The following MYO7B variants were observed in gnomAD, a reference collection of about 807,000 sequenced individuals.
The protein encoded by MYO7B is myosin VIIB, also known as unconventional myosin-VIIb.
MYO7B carries 212 observed loss-of-function variants against 259.7 expected under a neutral mutation model. That is an observed-to-expected ratio of 0.82 (90% CI 0.73 to 0.91). The LOEUF (loss-of-function observed/expected upper bound fraction) is 0.91, where lower values mean the gene tolerates loss of function less well. Among genes scored for constraint, MYO7B ranks in the 40% least tolerant of loss-of-function variants. MYO7B has a pLI of 0.00. For missense variants in MYO7B, 2,732 were observed against 2,813.5 expected (o/e 0.97, Z 0.66); for synonymous variants, 1,197 against 1,166.4 (o/e 1.03, Z -0.54).
Position 127,636,097 on chromosome 2 carries a change from C to T in MYO7B, c.6007-111C>T. 2 of 1,079,492 alleles carry T rather than the reference C, an allele frequency of 1.9e-6. No homozygotes were observed. Among genetic ancestry groups the T allele is most frequent in the South Asian group, 1.5e-5 (1 of 67,224 alleles). 66.9% of individuals were successfully genotyped at this position (1,079,492 alleles called of 1,614,324 possible). A position where few individuals can be genotyped will look rare whatever the true frequency, so the allele number is the denominator to read the frequency against. On this transcript the variant is annotated intron_variant, in intron 44 of 47. Coordinates refer to ENST00000409816, the MANE Select transcript of MYO7B (RefSeq NM_001393586.1). This position sits in a 1 kb window ranked among gnomAD's most constrained non-coding sequence, Gnocchi z 4.5. ...ACCGAGACTGTCCCATGCTGCATTC[C>T]TCCCCTCCCCTCCCCACCGTACTAG...
chr2:127,537,151 C>G (rs1234880481), intron 1 of MYO7B, among the ~76,000 whole-genome samples: 2 of 152,174 alleles, frequency 1.3e-5, no homozygotes, highest in Non-Finnish European at 2.9e-5. Flanking sequence ...GCTTTATAGA[C>G]AGAATGGGGC....
intron 24 of MYO7B, among the ~76,000 whole-genome samples, chr2:127,610,614 C>T (rs192551847): frequency 3.5e-4 from 53 of 152,352 alleles, no homozygotes; most frequent in Middle Eastern, 6.8e-3. Context: ...CATTTCCATG[C>T]TGTAATGTTA....
In MYO7B at chr2:127,565,265, C is replaced by T. The variant is rs770074752; in HGVS notation, c.165C>T (p.Val55=). The change falls in exon 4 of 48, where the codon GTC becomes GTT. Residue 55 remains valine (V), a synonymous_variant. Transcript: ENST00000409816. The stretch of plus-strand genomic sequence containing the variant: ...GGATCCGAGCAGAGGACTTTGGTGT[C>T]CTCAGTCCCATGCACCCCAACTCAG... ...EHWIRAEDFG[V]LSPMHPNSVQ... is the part of the protein sequence containing the mutation. The T allele has an allele frequency of 1.2e-6, 2 of 1,613,958 alleles. No homozygotes were observed. Among genetic ancestry groups the T allele is most frequent in the East Asian group, 2.2e-5 (1 of 44,866 alleles).
rs1681157174 is a variant in MYO7B at position 127,626,905 on chromosome 2, C to A, written c.4216-70C>A. 61 of 1,377,476 alleles carry A rather than the reference C, an allele frequency of 4.4e-5. No homozygotes were observed. In the South Asian group the frequency reaches 7.8e-4, roughly 18 times the overall value. 85.3% of individuals were successfully genotyped at this position (1,377,476 alleles called of 1,614,324 possible). On this transcript the variant is annotated intron_variant, in intron 31 of 47. Transcript: ENST00000409816. ...CAGAAGGATCCATCAACTCTTTTACCCTGAGCACTAGGTGAGGGATTCACT... is the reference window on the plus strand; with the variant it reads ...CAGAAGGATCCATCAACTCTTTTACACTGAGCACTAGGTGAGGGATTCACT...
At chr2:127,605,986 A>C in intron 20 of MYO7B, 58 bp downstream of exon 20, 1 of 1,413,318 alleles carries the variant, frequency 7.1e-7, no homozygotes, top group Admixed American at 1.8e-5. Context: ...TGTCCAGTAA[A>C]AGACAGATTT....
chr2:127,593,695 T>G, intron 18 of MYO7B, 51 bp downstream of exon 18: 1 of 1,527,364 alleles, frequency 6.5e-7, no homozygotes, highest in Non-Finnish European at 9.1e-7. Context: ...GCATGTGGGC[T>G]TGTCAGCTCT....
In MYO7B at chr2:127,580,765, G is replaced by A; in HGVS notation, c.1023G>A (p.Leu341=). 1.2e-6 allele frequency: 2 copies of A among 1,613,446 alleles called. No individual in the cohort carries two copies. Among genetic ancestry groups the A allele is most frequent in the South Asian group, 1.1e-5 (1 of 90,848 alleles). ...CTCTAGCTTCGGTCTTCGAGAACCTGGACGCCTCAGACGTGATGGAGACGC... is the reference window on the plus strand; with the variant it reads ...CTCTAGCTTCGGTCTTCGAGAACCTAGACGCCTCAGACGTGATGGAGACGC... The part of the protein sequence containing the change: ...VGFMASVFEN[L]DASDVMETPA... Residue 341 remains leucine (L), a synonymous_variant, in exon 10 of 48, where the codon CTG becomes CTA. Transcript: ENST00000409816.
chr2:127,560,756 G>A (rs562191201), intron 2 of MYO7B, among the ~76,000 whole-genome samples: 1 of 152,268 alleles, frequency 6.6e-6, no homozygotes, highest in Non-Finnish European at 1.5e-5. Flanking sequence ...ACAGTGCTGC[G>A]AAGTGCTCTT....
Position 127,572,722 on chromosome 2 carries a change from A to G in MYO7B, c.593-1198A>G, listed in dbSNP as rs143104250. 6.0e-3 allele frequency among the ~76,000 whole-genome samples: 907 copies of G among 152,100 alleles called. 9 individuals are homozygous for G. Among genetic ancestry groups the G allele is most frequent in the African/African-American group, 0.021 (862 of 41,462 alleles). ...CCTGTCTAAAATCAACTGACCATCC[A>G]TGTATGGGGCTGTTTCTGGATTCTC... On this transcript the variant is annotated intron_variant, in intron 6 of 47. Coordinates refer to ENST00000409816, the MANE Select transcript of MYO7B (RefSeq NM_001393586.1).
chr2:127,589,515 T>C (rs1202014568), intron 15 of MYO7B, among the ~76,000 whole-genome samples: 2 of 142,950 alleles, frequency 1.4e-5, no homozygotes, highest in East Asian at 4.4e-4. Context: ...GGTAGAGGGG[T>C]GGAGAGCATG....
chr2:127,584,375 A>G lies in MYO7B; in HGVS notation c.1554+43A>G. The G allele has an allele frequency of 1.3e-6, 2 of 1,587,108 alleles. No homozygotes were observed. Among genetic ancestry groups the G allele is most frequent in the African/African-American group, 1.3e-5 (1 of 74,432 alleles). On this transcript the variant is annotated intron_variant, in intron 13 of 47. Coordinates refer to ENST00000409816, the MANE Select transcript of MYO7B (RefSeq NM_001393586.1). This position sits in a 1 kb window ranked among gnomAD's most constrained non-coding sequence, Gnocchi z 5.8. ...CCGACCTTCTGGTGGAGGCCCTGCT[A>G]TGGGTCTCCTCTTGGAGGCTGGGAA... is the stretch of plus-strand genomic sequence containing the variant.
Position 127,576,728 on chromosome 2 carries a change from C to T in MYO7B, c.849+20C>T, listed in dbSNP as rs1213526909. 1.3e-5 allele frequency: 20 copies of T among 1,511,934 alleles called. No individual in the cohort carries two copies. Among genetic ancestry groups the T allele is most frequent in the Non-Finnish European group, 1.8e-5 (20 of 1,091,524 alleles). 93.7% of individuals were successfully genotyped at this position (1,511,934 alleles called of 1,614,324 possible). On this transcript the variant is annotated intron_variant, in intron 8 of 47. Transcript: ENST00000409816. This position sits in a 1 kb window ranked among gnomAD's most constrained non-coding sequence, Gnocchi z 4.9. ...ACCATGGTGAGCTGCCCACCTGCCGCCTCCCAGTAGCCAGTGGAAGGGAGG... is the reference window on the plus strand; with the variant it reads ...ACCATGGTGAGCTGCCCACCTGCCGTCTCCCAGTAGCCAGTGGAAGGGAGG...
intron 19 of MYO7B, among the ~76,000 whole-genome samples, chr2:127,600,479 G>A (rs2105003110): frequency 6.6e-6 from 1 of 152,338 alleles, no homozygotes; most frequent in East Asian, 1.9e-4. Flanking sequence ...GGAGGCCGAG[G>A]CAGGCAGATC....
chr2:127,622,809 C>T (rs1251083655), intron 28 of MYO7B, among the ~76,000 whole-genome samples: 1 of 152,184 alleles, frequency 6.6e-6, no homozygotes, highest in Non-Finnish European at 1.5e-5. Context: ...GTAAAGGCCC[C>T]AAAATGTTCC....
chr2:127,548,367 T>A (rs1399638475), intron 1 of MYO7B, among the ~76,000 whole-genome samples: 1 of 152,010 alleles, frequency 6.6e-6, no homozygotes, highest in East Asian at 1.9e-4. Context: ...ATATTCTTCT[T>A]CTTTCTCTAG....
intron 29 of MYO7B, 143 bp from the exon 30 acceptor site, chr2:127,623,950 G>C (rs576536661): frequency 2.9e-6 from 2 of 691,338 alleles, no homozygotes; most frequent in Non-Finnish European, 4.8e-6. Flanking sequence ...GTGTCCACAC[G>C]GGCTCAGCAG....
intron 27 of MYO7B, 60 bp from the exon 28 acceptor site, chr2:127,621,922 G>A: frequency 6.4e-7 from 1 of 1,550,500 alleles, no homozygotes; most frequent in Non-Finnish European, 8.7e-7. Flanking sequence ...CCTGGGTGGT[G>A]AGTAGAAACT....
At position 127,608,821 on chromosome 2, in the gene MYO7B, C is replaced by T. The variant is rs368285300; in HGVS notation, c.2757C>T (p.Phe919=). 93 of 1,613,316 alleles carry T rather than the reference C, an allele frequency of 5.8e-5. No individual in the cohort carries two copies. Among genetic ancestry groups the T allele is most frequent in the African/African-American group, 1.3e-4 (10 of 75,060 alleles). The change falls in exon 22 of 48, where the codon TTC becomes TTT. Residue 919 remains phenylalanine (F), a synonymous_variant. Transcript: ENST00000409816. ...ACACGGAGATGGTGGAGAAGGTGTT[C>T]GGCTTCCTCCCTGCCATGATTGGGG... is the stretch of plus-strand genomic sequence containing the variant. ...VTDTEMVEKV[F]GFLPAMIGGQ...
At chr2:127,631,386 C>A in intron 37 of MYO7B, 23 bp downstream of exon 37, 1 of 1,593,194 alleles carries the variant, frequency 6.3e-7, no homozygotes, top group Non-Finnish European at 8.6e-7. Context: ...ACCAGCCTGC[C>A]TGCACCTCGT....
Sources: allele counts gnomAD v4.1 joint callset (sites outside exome capture counted in the v4.1 genomes callset), GRCh38; gene constraint gnomAD v4.1.1; non-coding constraint Gnocchi (gnomAD v3.1); transcripts MANE v1.5; gene names NCBI Gene and HGNC (gene_info 2026-07-23, HGNC 2026-07-21).